The following KLHL1 variants were observed in gnomAD, a reference collection of about 807,000 sequenced individuals.
KLHL1 encodes kelch like family member 1, also known as kelch-like protein 1.
KLHL1 carries 47 observed loss-of-function variants against 77.7 expected under a neutral mutation model. The observed-to-expected ratio is 0.60, with a 90% CI of 0.48 to 0.77. The LOEUF is 0.77. KLHL1 is among the 30% of genes least tolerant of loss of function. The probability of loss-of-function intolerance (pLI) is 0.00; values close to 1 mark genes in which losing one functional copy is unlikely to be tolerated. For synonymous variants in KLHL1, 360 were observed against 325.2 expected (o/e 1.11, Z -1.15); for missense variants, 925 against 910.8 (o/e 1.02, Z -0.20).
At chr13:69,941,969 A>C (rs1458246999) in intron 3 of KLHL1, among the ~76,000 whole-genome samples, 1 of 151,870 alleles carries the variant, frequency 6.6e-6, no homozygotes, top group African/African-American at 2.4e-5. Flanking sequence ...AATTAAAAAA[A>C]CTCCCCCAAA....
chr13:69,923,844 CAGCTGCAGCTGCCCA>C (rs1053792704), intron 4 of KLHL1, among the ~76,000 whole-genome samples: 8 of 152,114 alleles, frequency 5.3e-5, no homozygotes, highest in African/African-American at 1.7e-4. Flanking sequence ...TTCCCAGGCG[CAGCTGCAGCTGCCCA>C]AGCTGCAGCT....
chr13:70,072,684 A>AG (rs1434295482), intron 1 of KLHL1, among the ~76,000 whole-genome samples: 1 of 152,128 alleles, frequency 6.6e-6, no homozygotes, highest in Admixed American at 6.5e-5. Flanking sequence ...AACAAACTGA[A>AG]GAAAAAAAAA....
chr13:69,760,557 A>T (rs536331352), intron 7 of KLHL1, among the ~76,000 whole-genome samples: 1 of 151,588 alleles, frequency 6.6e-6, no homozygotes, highest in South Asian at 2.1e-4. Flanking sequence ...GTTTCATCAT[A>T]TTTCCCAGGC....
intron 1 of KLHL1, among the ~76,000 whole-genome samples, chr13:69,994,296 T>C (rs1593659220): frequency 6.6e-6 from 1 of 152,168 alleles, no homozygotes; most frequent in African/African-American, 2.4e-5. Flanking sequence ...TGGAGACAAT[T>C]AGAGGGCATG....
chr13:70,033,368 T>C (rs543455032), intron 1 of KLHL1, among the ~76,000 whole-genome samples: 157 of 151,958 alleles, frequency 1.0e-3, no homozygotes, highest in African/African-American at 3.3e-3. Flanking sequence ...CGGCTCACTG[T>C]AAGCTCCGCC....
Position 69,714,996 on chromosome 13 carries a change from T to A in KLHL1, c.2015+4373A>T, listed in dbSNP as rs531256641. On this transcript the variant is annotated intron_variant, in intron 9 of 10. Coordinates refer to ENST00000377844, the MANE Select transcript of KLHL1 (RefSeq NM_020866.3). ...CTCAAAACATGCAGATAAATTATCATGATGCCAGAAAAATTCTGGGCAGCA... is the reference window on the plus strand; with the variant it reads ...CTCAAAACATGCAGATAAATTATCAAGATGCCAGAAAAATTCTGGGCAGCA... Among the ~76,000 whole-genome samples, 19 of 152,288 alleles carry A rather than the reference T, an allele frequency of 1.2e-4. 1 individual carries two copies. In the South Asian group the frequency reaches 3.5e-3, roughly 28 times the overall value.
At chr13:69,799,247 G>A (rs1441997884) in intron 6 of KLHL1, among the ~76,000 whole-genome samples, 1 of 152,182 alleles carries the variant, frequency 6.6e-6, no homozygotes, top group African/African-American at 2.4e-5. Flanking sequence ...TTGAACAACT[G>A]TACTTCCCAC....
chr13:69,877,587 T>C (rs1488605395), intron 5 of KLHL1, among the ~76,000 whole-genome samples: 1 of 152,144 alleles, frequency 6.6e-6, no homozygotes, highest in Non-Finnish European at 1.5e-5. Context: ...TTACAAAAAA[T>C]TCCATTCATA....
At chr13:69,931,593 A>T (rs543813061) in intron 4 of KLHL1, among the ~76,000 whole-genome samples, 9 of 151,728 alleles carry the variant, frequency 5.9e-5, no homozygotes, top group South Asian at 2.1e-4. Context: ...AATATAACAC[A>T]TTTGGCTTAG....
intron 6 of KLHL1, among the ~76,000 whole-genome samples, chr13:69,813,392 A>G (rs1368335982): frequency 2.6e-5 from 4 of 151,886 alleles, no homozygotes; most frequent in African/African-American, 9.7e-5. Flanking sequence ...GTTAATGGGT[A>G]CAGCACACCA....
intron 4 of KLHL1, among the ~76,000 whole-genome samples, chr13:69,931,461 A>T (rs541112412): frequency 3.4e-4 from 52 of 151,864 alleles, no homozygotes; most frequent in Admixed American, 5.9e-4. Context: ...TAAGCTCCCA[A>T]CCTAAAGTAC....
intron 4 of KLHL1, among the ~76,000 whole-genome samples, chr13:69,884,426 C>CAAA (rs60883710): frequency 7.7e-5 from 5 of 64,912 alleles, no homozygotes; most frequent in East Asian, 5.9e-4. Context: ...TCAGATTTTT[C>CAAA]AAAAAAAAAA....
intron 1 of KLHL1, among the ~76,000 whole-genome samples, chr13:70,047,025 C>T (rs1166290998): frequency 6.6e-6 from 1 of 152,022 alleles, no homozygotes; most frequent in Non-Finnish European, 1.5e-5. Flanking sequence ...GTGCTCAATA[C>T]AATGCTTATC....
intron 9 of KLHL1, among the ~76,000 whole-genome samples, chr13:69,715,936 T>G (rs1391739642): frequency 2.6e-5 from 4 of 152,150 alleles, no homozygotes; most frequent in Non-Finnish European, 4.4e-5. Context: ...TTTGAACAAT[T>G]GCTTACCTCT....
intron 1 of KLHL1, among the ~76,000 whole-genome samples, chr13:70,062,438 A>G (rs1886913776): frequency 6.6e-6 from 1 of 152,222 alleles, no homozygotes; most frequent in Admixed American, 6.5e-5. Flanking sequence ...AAATGCAGAT[A>G]AAACTTCTCA....
At chr13:69,921,894 G>A (rs186732524) in intron 4 of KLHL1, among the ~76,000 whole-genome samples, 30 of 151,148 alleles carry the variant, frequency 2.0e-4, no homozygotes, top group Admixed American at 9.3e-4. Context: ...AGTACTTAGG[G>A]AGTTATAGAT....
rs145564626 is a variant in KLHL1 at position 69,830,807 on chromosome 13, A to T, written c.1414+8169T>A. On this transcript the variant is annotated intron_variant, in intron 6 of 10. Coordinates refer to ENST00000377844, the MANE Select transcript of KLHL1 (RefSeq NM_020866.3). ...AACTCCAAAACAAACCCTCAAAATC[A>T]TGCACATAGATGGAAGTTAAGTAAT... 9.3e-5 allele frequency among the ~76,000 whole-genome samples: 14 copies of T among 150,208 alleles called. No homozygotes were observed. In the East Asian group the frequency reaches 2.7e-3, roughly 29 times the overall value.
intron 7 of KLHL1, among the ~76,000 whole-genome samples, chr13:69,743,814 C>CA (rs1480176525): frequency 6.8e-4 from 50 of 73,866 alleles, no homozygotes; most frequent in East Asian, 8.3e-4. Context: ...CAAAACAAAA[C>CA]AAAAAAACAG....
chr13:70,107,313 C>T lies in KLHL1; in HGVS notation c.387G>A (p.Val129=), dbSNP rs1439223673. The part of the protein sequence containing the change: ...LFYVESLEEE[V]VPGMDFPGPH... Reference sequence around the variant, plus strand: ...GTCCAGGAAAGTCCATGCCTGGCACCACCTCCTCCTCTAGTGACTCCACGT... The same window carrying T: ...GTCCAGGAAAGTCCATGCCTGGCACTACCTCCTCCTCTAGTGACTCCACGT... The change falls in exon 1 of 11, where the codon GTG becomes GTA. Residue 129 remains valine, a synonymous_variant. Coordinates refer to ENST00000377844, the MANE Select transcript of KLHL1 (RefSeq NM_020866.3). The T allele has an allele frequency of 6.2e-7, 1 of 1,614,144 alleles. No homozygotes were observed. Among genetic ancestry groups the T allele is most frequent in the Admixed American group, 1.7e-5 (1 of 60,014 alleles).
Sources: gnomAD v4.1 joint callset for allele counts (sites outside exome capture counted in the v4.1 genomes callset) on GRCh38, gnomAD v4.1.1 for gene constraint, MANE v1.5 for transcripts, NCBI Gene and HGNC (gene_info 2026-07-23, HGNC 2026-07-21) for gene names.